The following GNAO1 variants were observed in gnomAD, a reference collection of about 807,000 sequenced individuals.
GNAO1 encodes G protein subunit alpha o1, also known as guanine nucleotide-binding protein G(o) subunit alpha.
For missense variants in GNAO1, 166 were observed against 478.7 expected, an observed-to-expected ratio of 0.35 and a Z score of 6.10; for synonymous variants, 164 against 180.7, an observed-to-expected ratio of 0.91 and a Z score of 0.74.
intron 3 of GNAO1, among the ~76,000 whole-genome samples, chr16:56,305,414 G>A (rs2037384011): frequency 1.3e-5 from 2 of 152,156 alleles, no homozygotes; most frequent in African/African-American, 4.8e-5. Context: ...TGGGAGATGG[G>A]GGTGATCAGG....
intron 2 of GNAO1, among the ~76,000 whole-genome samples, chr16:56,267,369 G>A (rs1232227718): frequency 6.6e-6 from 1 of 152,238 alleles, no homozygotes; most frequent in Non-Finnish European, 1.5e-5. Flanking sequence ...CCGTGCCAGT[G>A]CCAGCTCCAG....
rs1257985059 is a variant in GNAO1, at chr16:56,354,497, GA to G, written c.878-366del. On this transcript the variant is annotated intron_variant, in intron 7 of 8. Coordinates refer to ENST00000262493, the MANE Select transcript of GNAO1 (RefSeq NM_020988.3). The surrounding 1 kb of genome is among the most constrained non-coding windows in gnomAD (Gnocchi z 4.3). ...TCGAGACCAACCTGGCCAACATGGT[GA>G]AACCCCGTCTCTACTAAAAATACAA... 1.3e-5 allele frequency among the ~76,000 whole-genome samples: 2 copies of G among 152,142 alleles called. No individual in the cohort carries two copies. The highest frequency in any genetic ancestry group is 2.4e-5 in the African/African-American group (1 of 41,436).
At chr16:56,297,333 AC>A (rs2037296788) in intron 3 of GNAO1, among the ~76,000 whole-genome samples, 1 of 151,656 alleles carries the variant, frequency 6.6e-6, no homozygotes, top group Non-Finnish European at 1.5e-5. Context: ...CACCACCTTG[AC>A]CCCCGGTTGC....
intron 3 of GNAO1, among the ~76,000 whole-genome samples, chr16:56,297,659 T>C (rs1173364019): frequency 6.6e-6 from 1 of 152,014 alleles, no homozygotes; most frequent in African/African-American, 2.4e-5. Flanking sequence ...TGTTATAGCA[T>C]CCTGGTGGAG....
intron 2 of GNAO1, among the ~76,000 whole-genome samples, chr16:56,205,899 A>G (rs1227075641): frequency 2.6e-5 from 4 of 152,222 alleles, no homozygotes; most frequent in Non-Finnish European, 5.9e-5. Context: ...GGGGTAAAAA[A>G]GCAGATCAGG....
In GNAO1 at chr16:56,347,464, T is replaced by G. The variant is rs2037881514; in HGVS notation, c.724-3920T>G. On this transcript the variant is annotated intron_variant, in intron 6 of 8. Coordinates refer to ENST00000262493, the MANE Select transcript of GNAO1 (RefSeq NM_020988.3). ...ATCTCCCACCCCTCAGCAAGAAGAGTCCTGACCCCTGACCCCACCCTGCCC... is the reference window on the plus strand; with the variant it reads ...ATCTCCCACCCCTCAGCAAGAAGAGGCCTGACCCCTGACCCCACCCTGCCC... The G allele has an allele frequency of 1.4e-5, 14 of 984,046 alleles. No individual in the cohort carries two copies. The South Asian group carries it at 6.6e-4, about 46-fold the overall frequency. The allele number at this position is 984,046 out of a possible 1,614,324, so 61.0% of individuals were successfully genotyped here.
chr16:56,341,253 GTC>G (rs1317769582), intron 6 of GNAO1, among the ~76,000 whole-genome samples: 1 of 152,222 alleles, frequency 6.6e-6, no homozygotes, highest in African/African-American at 2.4e-5. Context: ...GAGCTCCACT[GTC>G]TGCGCACAGG....
rs2036536668 is a variant in GNAO1 at position 56,226,782 on chromosome 16, T to A, written c.161+34166T>A. On this transcript the variant is annotated intron_variant, in intron 2 of 8. Transcript: ENST00000262493. ...CATTCACAGAACAATAAACCGAGGA[T>A]GCAAGGGACCAAGAAACTTAACCAA... Among the ~76,000 whole-genome samples, 4 of 152,184 alleles carry A rather than the reference T, an allele frequency of 2.6e-5. 1 individual carries two copies. In the South Asian group the frequency reaches 8.3e-4, roughly 32 times the overall value.
intron 6 of GNAO1, chr16:56,341,131 T>G: frequency 1.4e-6 from 1 of 706,646 alleles, no homozygotes; most frequent in Non-Finnish European, 2.4e-6. Context: ...GCCCCCAGAT[T>G]GTGCTCTAGA....
intron 2 of GNAO1, among the ~76,000 whole-genome samples, chr16:56,227,195 A>G (rs1247447141): frequency 6.6e-6 from 1 of 152,080 alleles, no homozygotes; most frequent in Non-Finnish European, 1.5e-5. Flanking sequence ...AGAGAAATGT[A>G]ATTGTTTTAG....
chr16:56,320,106 T>C (rs1244582540), intron 3 of GNAO1, among the ~76,000 whole-genome samples: 1 of 152,158 alleles, frequency 6.6e-6, no homozygotes, highest in Non-Finnish European at 1.5e-5. Flanking sequence ...CCTTGAGAAA[T>C]GACAACCTCT....
chr16:56,228,500 AAAAATAG>A (rs1245225513), intron 2 of GNAO1, among the ~76,000 whole-genome samples: 1 of 151,912 alleles, frequency 6.6e-6, no homozygotes, highest in Non-Finnish European at 1.5e-5. Flanking sequence ...ATACATAAAG[AAAAATAG>A]AAAATAGAAA....
chr16:56,313,193 T>TTAA (rs1253144748), intron 3 of GNAO1, among the ~76,000 whole-genome samples: 1 of 152,224 alleles, frequency 6.6e-6, no homozygotes, highest in Non-Finnish European at 1.5e-5. Flanking sequence ...TTGGCAGAAC[T>TTAA]TATGAAGATA....
At chr16:56,269,798 G>T (rs551625864) in intron 2 of GNAO1, among the ~76,000 whole-genome samples, 1 of 152,110 alleles carries the variant, frequency 6.6e-6, no homozygotes, top group Admixed American at 6.5e-5. Flanking sequence ...TCCAGAAGTT[G>T]GGGGGGAAAC....
chr16:56,214,533 T>G (rs1235447132), intron 2 of GNAO1, among the ~76,000 whole-genome samples: 1 of 152,218 alleles, frequency 6.6e-6, no homozygotes, highest in African/African-American at 2.4e-5. Flanking sequence ...TACAGATAAT[T>G]ATTGCTTAGG....
intron 2 of GNAO1, among the ~76,000 whole-genome samples, chr16:56,206,043 G>A (rs907734771): frequency 6.6e-6 from 1 of 152,026 alleles, no homozygotes; most frequent in Non-Finnish European, 1.5e-5. Context: ...AGTTAGGGCC[G>A]GGCGTGGTGC....
chr16:56,300,049 GCGCACGCACA>G (rs2037329591), intron 3 of GNAO1, among the ~76,000 whole-genome samples: 3 of 91,940 alleles, frequency 3.3e-5, no homozygotes, highest in South Asian at 2.9e-4. Flanking sequence ...GCGCGCGCGC[GCGCACGCACA>G]TGTGCTTGTG....
chr16:56,194,262 A>C (rs1460703617), intron 2 of GNAO1: 7 of 456,372 alleles, frequency 1.5e-5, no homozygotes, highest in Non-Finnish European at 4.4e-6. Context: ...GTGCAACCCA[A>C]ATTGATGGGG....
Position 56,335,616 on chromosome 16 carries a change from T to G in GNAO1, c.593+759T>G, listed in dbSNP as rs149027307. 3.5e-3 allele frequency among the ~76,000 whole-genome samples: 528 copies of G among 152,254 alleles called. 5 individuals are homozygous for G. Among genetic ancestry groups the G allele is most frequent in the African/African-American group, 0.012 (509 of 41,548 alleles). On this transcript the variant is annotated intron_variant, in intron 5 of 8. Transcript: ENST00000262493. ...TGTTCAGACTGAGGGGCCGAGGCTC[T>G]GGGCCCAGGAACCCCTAGGCCTCCG...
Sources: gnomAD v4.1 joint callset for allele counts (sites outside exome capture counted in the v4.1 genomes callset) on GRCh38, gnomAD v4.1.1 for gene constraint, Gnocchi (gnomAD v3.1) non-coding constraint, MANE v1.5 for transcripts, NCBI Gene and HGNC (gene_info 2026-07-23, HGNC 2026-07-21) for gene names.